Variants in TMOD3 observed in about 807,000 individuals in gnomAD.
The protein encoded by TMOD3 is tropomodulin-3.
A neutral mutation model predicts 39.2 loss-of-function variants in TMOD3; 20 were observed. The observed-to-expected ratio is 0.51, with a 90% confidence interval of 0.36 to 0.74. The LOEUF is 0.74. TMOD3 is among the 30% of genes least tolerant of loss of function. The probability of loss-of-function intolerance (pLI) is 0.00; values close to 1 mark genes in which losing one functional copy is unlikely to be tolerated. For synonymous variants in TMOD3, 143 were observed against 145.8 expected (o/e 0.98, Z 0.14); for missense variants, 381 against 412.8 (o/e 0.92, Z 0.67).
rs2056728560 is a variant in TMOD3, at chr15:51,915,357, T to C, written c.*6547T>C. 6.6e-6 allele frequency: 1 copy of C among 152,232 alleles called. No individual in the cohort carries two copies. The highest frequency in any genetic ancestry group is 1.5e-5 in the Non-Finnish European group (1 of 68,038). 9.4% of individuals were successfully genotyped at this position (152,232 alleles called of 1,614,324 possible). ...ATATACACGTATAACATAAAAATTT[T>C]TGTAATTTCAAATGTCTTTTTTTCA... On this transcript the variant is annotated 3_prime_UTR_variant, in exon 10 of 10. Coordinates refer to ENST00000308580, the MANE Select transcript of TMOD3 (RefSeq NM_014547.5).
In TMOD3 at chr15:51,912,645, C is replaced by G. The variant is rs2056717478; in HGVS notation, c.*3835C>G. The G allele has an allele frequency of 1.3e-5, 2 of 152,180 alleles. No homozygotes were observed. The highest frequency in any genetic ancestry group is 1.3e-4 in the Admixed American group (2 of 15,276). 9.4% of individuals were successfully genotyped at this position (152,180 alleles called of 1,614,324 possible). ...AGCAGATGCAAGGATCATGCTTTCT[C>G]TGGAGTCCTTAGTCACTTCCATTCT... On this transcript the variant is annotated 3_prime_UTR_variant, in exon 10 of 10. Transcript: ENST00000308580.
chr15:51,829,679 G>A lies in TMOD3; in HGVS notation c.-232G>A, dbSNP rs2056243009. On this transcript the variant is annotated 5_prime_UTR_variant, in exon 1 of 10. Transcript: ENST00000308580. ...AAGGAGGAACCCACCGCACCTACAGGGCGGTCGAGTGAGGGAGCTGCTGGC... is the reference window on the plus strand; with the variant it reads ...AAGGAGGAACCCACCGCACCTACAGAGCGGTCGAGTGAGGGAGCTGCTGGC... The A allele has an allele frequency of 6.6e-6, 1 of 152,382 alleles. No individual in the cohort carries two copies. The highest frequency in any genetic ancestry group is 1.5e-5 in the Non-Finnish European group (1 of 68,126). The allele number at this position is 152,382 out of a possible 1,614,324, so 9.4% of individuals were successfully genotyped here. A position where few individuals can be genotyped will look rare whatever the true frequency, so the allele number is the denominator to read the frequency against.
intron 1 of TMOD3, among the ~76,000 whole-genome samples, chr15:51,840,451 A>G (rs1489645190): frequency 6.6e-6 from 1 of 152,324 alleles, no homozygotes; most frequent in East Asian, 1.9e-4. Context: ...AGTGATGTAT[A>G]TATGTTATCC....
At chr15:51,851,672 T>C (rs1404064900) in intron 1 of TMOD3, among the ~76,000 whole-genome samples, 2 of 152,158 alleles carry the variant, frequency 1.3e-5, no homozygotes, top group African/African-American at 2.4e-5. Context: ...AATGTTCAGC[T>C]CCTCAGGATA....
chr15:51,847,324 C>T (rs2056340832), intron 1 of TMOD3, among the ~76,000 whole-genome samples: 1 of 152,160 alleles, frequency 6.6e-6, no homozygotes, highest in African/African-American at 2.4e-5. Flanking sequence ...ATTTTCTCTG[C>T]AATCTATAAA....
intron 1 of TMOD3, among the ~76,000 whole-genome samples, chr15:51,832,313 A>G (rs780393861): frequency 5.4e-5 from 8 of 149,046 alleles, no homozygotes; most frequent in Non-Finnish European, 1.0e-4. Context: ...AGCACTTGTA[A>G]GAGCCACCTG....
intron 1 of TMOD3, among the ~76,000 whole-genome samples, chr15:51,831,470 C>T (rs1296865640): frequency 6.6e-6 from 1 of 152,132 alleles, no homozygotes; most frequent in East Asian, 1.9e-4. Flanking sequence ...GAAGTAGAGT[C>T]CAAAGTCTGT....
intron 1 of TMOD3, among the ~76,000 whole-genome samples, chr15:51,836,250 C>T (rs1567258841): frequency 2.0e-5 from 3 of 152,128 alleles, no homozygotes. Flanking sequence ...ACATTTTCAT[C>T]ACACCAGAAA....
chr15:51,887,473 C>T, intron 3 of TMOD3, 116 bp from the exon 4 acceptor site: 2 of 1,085,874 alleles, frequency 1.8e-6, no homozygotes, highest in Non-Finnish European at 2.6e-6. Context: ...AACAAAATTA[C>T]TGTCGATGTT....
chr15:51,902,654 T>G (rs1437986848), intron 9 of TMOD3, among the ~76,000 whole-genome samples: 6 of 127,380 alleles, frequency 4.7e-5, no homozygotes, highest in East Asian at 2.4e-4. Flanking sequence ...ATTTTTTTTT[T>G]TTTTTTTTTT....
intron 1 of TMOD3, among the ~76,000 whole-genome samples, chr15:51,847,958 G>C (rs1263946726): frequency 6.6e-6 from 1 of 152,116 alleles, no homozygotes; most frequent in East Asian, 1.9e-4. Context: ...GAGGTGAGTA[G>C]GTCGTGAGGA....
chr15:51,878,801 A>C (rs2056518320), intron 3 of TMOD3, among the ~76,000 whole-genome samples: 1 of 152,114 alleles, frequency 6.6e-6, no homozygotes, highest in African/African-American at 2.4e-5. Context: ...AGCCTCTTGG[A>C]GATTATAGTG....
At chr15:51,879,892 A>C (rs999789836) in intron 3 of TMOD3, among the ~76,000 whole-genome samples, 1 of 150,224 alleles carries the variant, frequency 6.7e-6, no homozygotes, top group African/African-American at 2.5e-5. Flanking sequence ...ACACACACGA[A>C]GAAGAAATTC....
rs536546359 is a variant in TMOD3 at position 51,910,012 on chromosome 15, A to G, written c.*1202A>G. 7.9e-5 allele frequency: 12 copies of G among 152,376 alleles called. No individual in the cohort carries two copies. The highest frequency in any genetic ancestry group is 2.9e-4 in the African/African-American group (12 of 41,586). 9.4% of individuals were successfully genotyped at this position (152,376 alleles called of 1,614,324 possible). A position where few individuals can be genotyped will look rare whatever the true frequency, so the allele number is the denominator to read the frequency against. On this transcript the variant is annotated 3_prime_UTR_variant, in exon 10 of 10. Transcript: ENST00000308580. ...TCAAAGTATTAAGGTGAACAATTGA[A>G]TAGAGTACTGTGGTCGGGAGACTGA...
intron 7 of TMOD3, among the ~76,000 whole-genome samples, chr15:51,897,107 G>T (rs2056624592): frequency 6.6e-6 from 1 of 152,160 alleles, no homozygotes; most frequent in African/African-American, 2.4e-5. Flanking sequence ...CCTTACCTCA[G>T]TGGACATTCC....
At chr15:51,867,580 A>G (rs1020669366) in intron 2 of TMOD3, among the ~76,000 whole-genome samples, 7 of 152,190 alleles carry the variant, frequency 4.6e-5, no homozygotes, top group African/African-American at 1.7e-4. Context: ...TGTATTTCCT[A>G]GTTACAAATT....
chr15:51,860,712 G>C (rs1203364437), intron 1 of TMOD3: 4 of 413,482 alleles, frequency 9.7e-6, no homozygotes, highest in Middle Eastern at 8.3e-4. Flanking sequence ...GAGGCGGGTG[G>C]ATCACCTGAG....
At chr15:51,868,724 C>A (rs187359938) in intron 2 of TMOD3, among the ~76,000 whole-genome samples, 63 of 152,350 alleles carry the variant, frequency 4.1e-4, no homozygotes, top group African/African-American at 1.4e-3. Flanking sequence ...GTAATCCCAA[C>A]ACTTTGGGCA....
intron 5 of TMOD3, chr15:51,892,256 T>C (rs909422452): frequency 6.6e-6 from 1 of 152,216 alleles, no homozygotes; most frequent in African/African-American, 2.4e-5. Context: ...TCTTACTCTT[T>C]CGTGCTCATT....
Sources: gnomAD v4.1 joint callset for allele counts (sites outside exome capture counted in the v4.1 genomes callset) on GRCh38, gnomAD v4.1.1 for gene constraint, MANE v1.5 for transcripts, NCBI Gene and HGNC (gene_info 2026-07-23, HGNC 2026-07-21) for gene names.